FBLN5: variants seen among roughly 807,000 people sequenced by gnomAD.
FBLN5 encodes fibulin-5.
Under a neutral mutation model 61.6 loss-of-function variants are expected in FBLN5, and 24 were observed. The observed-to-expected ratio is 0.39, with a 90% confidence interval of 0.28 to 0.55. The LOEUF is 0.55. FBLN5 is among the 20% of genes least tolerant of loss of function. The pLI, the probability that FBLN5 is intolerant of heterozygous loss-of-function variation, is 0.65. For missense variants in FBLN5, 470 were observed against 594.1 expected (o/e 0.79, Z 2.17); for synonymous variants, 213 against 219.8 (o/e 0.97, Z 0.27).
chr14:91,919,371 GAAAAGA>G (rs1244085219), intron 4 of FBLN5, among the ~76,000 whole-genome samples: 1,869 of 107,656 alleles, frequency 0.017, 31 homozygotes, highest in African/African-American at 0.051. Context: ...GAAAAGAAAA[GAAAAGA>G]AAAGAAAGAA....
intron 4 of FBLN5, among the ~76,000 whole-genome samples, chr14:91,935,556 T>C (rs138355826): frequency 1.2e-3 from 187 of 152,288 alleles, no homozygotes; most frequent in African/African-American, 4.2e-3. Context: ...TTCTACCAGA[T>C]AGGAGAGGTC....
chr14:91,915,176 T>TA (rs964981867), intron 4 of FBLN5, among the ~76,000 whole-genome samples: 192 of 133,046 alleles, frequency 1.4e-3, no homozygotes, highest in East Asian at 5.5e-3. Flanking sequence ...TAAAAAATAA[T>TA]AAAAAAAAAA....
intron 4 of FBLN5, among the ~76,000 whole-genome samples, chr14:91,935,150 G>A (rs1274715096): frequency 2.0e-5 from 3 of 152,210 alleles, no homozygotes; most frequent in East Asian, 1.9e-4. Context: ...CGCATCTCCC[G>A]TGTGACAGGT....
chr14:91,935,438 C>CA, intron 4 of FBLN5, among the ~76,000 whole-genome samples: 1 of 152,248 alleles, frequency 6.6e-6, no homozygotes, highest in Non-Finnish European at 1.5e-5. Context: ...TTCCTCACCT[C>CA]AAGACACGTA....
At chr14:91,889,263 G>C (rs958016132) in intron 6 of FBLN5, among the ~76,000 whole-genome samples, 17 of 152,234 alleles carry the variant, frequency 1.1e-4, no homozygotes, top group Non-Finnish European at 2.2e-4. Flanking sequence ...AGGGCTGGTG[G>C]CCTCAGCCTC....
chr14:91,936,089 G>T (rs1000778734), intron 4 of FBLN5, among the ~76,000 whole-genome samples: 4 of 152,162 alleles, frequency 2.6e-5, no homozygotes, highest in African/African-American at 9.7e-5. Flanking sequence ...GTGGGTTACA[G>T]CTCAACACTC....
intron 3 of FBLN5, among the ~76,000 whole-genome samples, chr14:91,937,857 C>T (rs1279531652): frequency 2.0e-5 from 3 of 152,162 alleles, no homozygotes; most frequent in African/African-American, 7.2e-5. Context: ...CTAAAACAAA[C>T]CTGTACTATC....
At chr14:91,936,430 C>A (rs1019863298) in intron 4 of FBLN5, among the ~76,000 whole-genome samples, 2 of 152,182 alleles carry the variant, frequency 1.3e-5, no homozygotes, top group Non-Finnish European at 2.9e-5. Flanking sequence ...TGGTCACAAG[C>A]ACATTAGTTC....
At chr14:91,944,193 A>G (rs1270252196) in intron 1 of FBLN5, among the ~76,000 whole-genome samples, 1 of 152,182 alleles carries the variant, frequency 6.6e-6, no homozygotes, top group Non-Finnish European at 1.5e-5. Flanking sequence ...TTTGCCAGGC[A>G]TGGTGGTACA....
intron 10 of FBLN5, among the ~76,000 whole-genome samples, chr14:91,876,859 G>A (rs139457883): frequency 1.3e-5 from 2 of 152,200 alleles, no homozygotes; most frequent in African/African-American, 4.8e-5. Context: ...ATGGGGTCTC[G>A]CTCTGTTGCC....
chr14:91,878,192 C>A, intron 9 of FBLN5: 3 of 291,400 alleles, frequency 1.0e-5, no homozygotes, highest in South Asian at 6.6e-5. Flanking sequence ...TCTTGTCATT[C>A]GATAATTGAT....
chr14:91,870,138 G>T lies in FBLN5; in HGVS notation c.*86C>A. ...TCAGCAGGAAATGCCTAACGTCTGT[G>T]TCGCTCTCATTCTCTCTGTTATTTC... is the stretch of plus-strand genomic sequence containing the variant. On this transcript the variant is annotated 3_prime_UTR_variant, in exon 11 of 11. Coordinates refer to ENST00000342058, the MANE Select transcript of FBLN5 (RefSeq NM_006329.4). 7.3e-7 allele frequency: 1 copy of T among 1,374,022 alleles called. No individual in the cohort carries two copies. Among genetic ancestry groups the T allele is most frequent in the Non-Finnish European group, 1.0e-6 (1 of 965,576 alleles). The allele number at this position is 1,374,022 out of a possible 1,614,324, so 85.1% of individuals were successfully genotyped here.
intron 4 of FBLN5, among the ~76,000 whole-genome samples, chr14:91,933,754 A>G (rs560385205): frequency 1.3e-5 from 2 of 152,090 alleles, no homozygotes; most frequent in African/African-American, 2.4e-5. Context: ...GGTGCTTACT[A>G]TGCTCTTTCT....
rs139881264 is a variant in FBLN5, at chr14:91,925,503, A to C, written c.379+11444T>G. Among the ~76,000 whole-genome samples, 233 of 152,288 alleles carry C rather than the reference A, an allele frequency of 1.5e-3. 1 individual carries two copies. The highest frequency in any genetic ancestry group is 5.2e-3 in the African/African-American group (216 of 41,562). On this transcript the variant is annotated intron_variant, in intron 4 of 10. Transcript: ENST00000342058. ...AGCCTCGGGATGGTTGCTGGGCTCCAGGGGGTGCCAGTGACATGTAATACA... is the reference window on the plus strand; with the variant it reads ...AGCCTCGGGATGGTTGCTGGGCTCCCGGGGGTGCCAGTGACATGTAATACA...
intron 5 of FBLN5, 119 bp from the exon 6 acceptor site, chr14:91,891,456 C>T: frequency 3.9e-6 from 3 of 772,024 alleles, no homozygotes; most frequent in South Asian, 2.8e-5. Context: ...CAAATGGGAA[C>T]AGGAGCCAAG....
At chr14:91,896,446 G>A (rs936564509) in intron 4 of FBLN5, among the ~76,000 whole-genome samples, 5 of 109,188 alleles carry the variant, frequency 4.6e-5, no homozygotes, top group Non-Finnish European at 8.5e-5. Flanking sequence ...CACCTTCACC[G>A]AATGGACCAT....
At chr14:91,936,290 G>A (rs984988974) in intron 4 of FBLN5, among the ~76,000 whole-genome samples, 8 of 152,152 alleles carry the variant, frequency 5.3e-5, no homozygotes, top group African/African-American at 1.4e-4. Context: ...TGTTGCCCAG[G>A]CTGGAACGCA....
At chr14:91,872,093 C>G (rs933698306) in intron 10 of FBLN5, among the ~76,000 whole-genome samples, 3 of 152,116 alleles carry the variant, frequency 2.0e-5, no homozygotes, top group Admixed American at 6.5e-5. Context: ...CCTGGCTGTC[C>G]TTGTCTAAGT....
rs766028324 is a variant in FBLN5, at chr14:91,881,325, C to A, written c.956G>T (p.Arg319Leu). Residue 319 changes from arginine (R) to leucine (L), a missense_variant, in exon 9 of 11, where the codon CGC becomes CTC. Coordinates refer to ENST00000342058, the MANE Select transcript of FBLN5 (RefSeq NM_006329.4). ...QGGFKCIDPI[R>L]CEEPYLRISD... ...GATCCTCAGATAAGGCTCCTCACAGCGGATGGGGTCAATGCATTTGAAGCC... is the reference window on the plus strand; with the variant it reads ...GATCCTCAGATAAGGCTCCTCACAGAGGATGGGGTCAATGCATTTGAAGCC... The A allele has an allele frequency of 3.7e-6, 6 of 1,614,110 alleles. No homozygotes were observed. Among genetic ancestry groups the A allele is most frequent in the Non-Finnish European group, 5.1e-6 (6 of 1,179,982 alleles).
Sources: allele counts gnomAD v4.1 joint callset (sites outside exome capture counted in the v4.1 genomes callset), GRCh38; gene constraint gnomAD v4.1.1; transcripts MANE v1.5; gene names NCBI Gene and HGNC (gene_info 2026-07-23, HGNC 2026-07-21).